The following PTPRS variants were observed in gnomAD, a reference collection of about 807,000 sequenced individuals.
PTPRS encodes receptor-type tyrosine-protein phosphatase S.
A neutral mutation model predicts 215.3 loss-of-function variants in PTPRS; 63 were observed. The ratio of observed to expected loss-of-function variants is 0.29; its 90% CI spans 0.24 to 0.36. PTPRS has a LOEUF of 0.36. Among genes scored for constraint, PTPRS ranks in the 10% least tolerant of loss-of-function variants. The pLI is 1.00. For missense variants in PTPRS, 2,258 were observed against 2,825.8 expected (o/e 0.80, Z 4.56); for synonymous variants, 1,404 against 1,191.4 (o/e 1.18, Z -3.68).
chr19:5,330,594 G>A (rs560223486), intron 1 of PTPRS, among the ~76,000 whole-genome samples: 34 of 152,298 alleles, frequency 2.2e-4, no homozygotes, highest in Middle Eastern at 3.4e-3. Context: ...TCCTGGCCCC[G>A]TTATCAATGT....
intron 1 of PTPRS, among the ~76,000 whole-genome samples, chr19:5,311,880 A>T (rs963357181): frequency 6.6e-5 from 10 of 152,062 alleles, no homozygotes; most frequent in African/African-American, 2.4e-4. Context: ...CTCTACTAAA[A>T]ATACAAAAAA....
At position 5,206,988 on chromosome 19, in the gene PTPRS, A is replaced by G. The variant is rs1438430673; in HGVS notation, c.5779-146T>C. ...CTTTGGCCCCCACGGCCCTCCCACA[A>G]TGAAGTGAGCTATGCCACACCTCTC... On this transcript the variant is annotated intron_variant, in intron 37 of 37. Coordinates refer to ENST00000262963, the MANE Select transcript of PTPRS (RefSeq NM_002850.4). The G allele has an allele frequency of 1.2e-5, 8 of 680,342 alleles. 1 individual carries two copies. The South Asian group carries it at 1.5e-4, about 12-fold the overall frequency. The allele number at this position is 680,342 out of a possible 1,614,324, so 42.1% of individuals were successfully genotyped here. A position where few individuals can be genotyped will look rare whatever the true frequency, so the allele number is the denominator to read the frequency against.
At chr19:5,261,757 C>A (rs1403936518) in intron 6 of PTPRS, among the ~76,000 whole-genome samples, 1 of 152,222 alleles carries the variant, frequency 6.6e-6, no homozygotes, top group Admixed American at 6.5e-5. Context: ...CTGAGCCTAG[C>A]TCTCCAGCCT....
chr19:5,263,407 G>A (rs1002097842), intron 5 of PTPRS, among the ~76,000 whole-genome samples: 2 of 152,120 alleles, frequency 1.3e-5, no homozygotes, highest in Admixed American at 6.5e-5. Flanking sequence ...AGAAAGCGGA[G>A]AACAGGTAGG....
chr19:5,218,606 G>T (rs1489637695), intron 24 of PTPRS, 74 bp from the exon 25 acceptor site: 1 of 1,542,804 alleles, frequency 6.5e-7, no homozygotes, highest in Non-Finnish European at 9.0e-7. Context: ...TCAGGCCCCA[G>T]GAATGCATGG....
chr19:5,208,526 G>A (rs894849609), intron 35 of PTPRS, 135 bp from the exon 36 acceptor site: 1 of 922,832 alleles, frequency 1.1e-6, no homozygotes, highest in Non-Finnish European at 1.5e-6. Context: ...TTGTCGCCCA[G>A]GTTGGAGTGC....
intron 2 of PTPRS, among the ~76,000 whole-genome samples, chr19:5,284,889 A>T (rs529000134): frequency 6.2e-4 from 94 of 150,902 alleles, no homozygotes; most frequent in Middle Eastern, 6.8e-3. Context: ...TAGAGGTTGC[A>T]GTGAGCTGAG....
intron 13 of PTPRS, among the ~76,000 whole-genome samples, chr19:5,235,130 C>T (rs191438790): frequency 3.8e-4 from 57 of 151,998 alleles, no homozygotes; most frequent in African/African-American, 1.3e-3. Flanking sequence ...TTAGGGGAGA[C>T]GGATTTTCAC....
chr19:5,221,421 TCTGA>T (rs1289132892), intron 19 of PTPRS, among the ~76,000 whole-genome samples, 168 bp from the exon 20 acceptor site: 34 of 151,556 alleles, frequency 2.2e-4, no homozygotes, highest in Non-Finnish European at 3.5e-4. Context: ...AGTCCCCAAC[TCTGA>T]CTGAGCCCCA....
At chr19:5,277,587 C>A (rs545361729) in intron 2 of PTPRS, 1 of 302,864 alleles carries the variant, frequency 3.3e-6, no homozygotes, top group Non-Finnish European at 6.2e-6. Flanking sequence ...ACCCAGGAGG[C>A]GAAGCTTGCA....
chr19:5,289,607 G>T (rs1177306428), intron 1 of PTPRS, among the ~76,000 whole-genome samples: 1 of 151,992 alleles, frequency 6.6e-6, no homozygotes, highest in Non-Finnish European at 1.5e-5. Flanking sequence ...TCCTCCCTCT[G>T]CTCCAGCCGC....
rs952487507 is a variant in PTPRS, at chr19:5,210,335, T to C, written c.5487+134A>G. The C allele has an allele frequency of 2.3e-6, 3 of 1,328,120 alleles. No homozygotes were observed. In the African/African-American group the frequency reaches 4.4e-5, roughly 19 times the overall value. 82.3% of individuals were successfully genotyped at this position (1,328,120 alleles called of 1,614,324 possible). ...GTGGCAGTAGAAGCAAGTGGCCAAC[T>C]GGTCAGCTGACACTTCTCCTGATTC... is the stretch of plus-strand genomic sequence containing the variant. On this transcript the variant is annotated intron_variant, in intron 35 of 37. Coordinates refer to ENST00000262963, the MANE Select transcript of PTPRS (RefSeq NM_002850.4). The surrounding 1 kb of genome is among the most constrained non-coding windows in gnomAD (Gnocchi z 4.5).
chr19:5,209,521 T>C (rs944788184), intron 35 of PTPRS, among the ~76,000 whole-genome samples: 1 of 152,196 alleles, frequency 6.6e-6, no homozygotes, highest in African/African-American at 2.4e-5. Flanking sequence ...TAAAATCTCC[T>C]TTCCCAACCC....
intron 1 of PTPRS, among the ~76,000 whole-genome samples, chr19:5,313,882 A>G (rs928910730): frequency 1.1e-4 from 16 of 152,002 alleles, no homozygotes. Context: ...GGACTGCTTG[A>G]GCCCAGCAGT....
Position 5,272,511 on chromosome 19 carries a change from T to G in PTPRS, c.379+931A>C, listed in dbSNP as rs963825828. ...TACTTGGGAGGCTGAGGCAGGAGAA[T>G]CGCTTGAACCTGGGAGGTGGAGGTT... On this transcript the variant is annotated intron_variant, in intron 4 of 37. Transcript: ENST00000262963. Among the ~76,000 whole-genome samples the G allele has an allele frequency of 6.3e-5, 9 of 142,144 alleles. No homozygotes were observed. The Admixed American group carries it at 7.0e-4, about 11-fold the overall frequency. 93.3% of individuals were successfully genotyped at this position (142,144 alleles called of 152,430 possible).
chr19:5,279,421 G>C (rs982724780), intron 2 of PTPRS, among the ~76,000 whole-genome samples: 1 of 151,330 alleles, frequency 6.6e-6, no homozygotes, highest in African/African-American at 2.4e-5. Flanking sequence ...CCCAAGGCTG[G>C]AGTGCGGTGG....
chr19:5,239,418 GAAAC>G (rs1223312085), intron 12 of PTPRS, among the ~76,000 whole-genome samples: 1 of 151,194 alleles, frequency 6.6e-6, no homozygotes, highest in African/African-American at 2.4e-5. Context: ...TAGAGACAGA[GAAAC>G]AAAGGAGAGA....
chr19:5,210,610 C>T lies in PTPRS; in HGVS notation c.5362-16G>A, dbSNP rs377459393. 8 of 1,613,954 alleles carry T rather than the reference C, an allele frequency of 5.0e-6. No homozygotes were observed. The Admixed American group carries it at 6.7e-5, about 13-fold the overall frequency. On this transcript the variant is annotated splice_polypyrimidine_tract_variant and intron_variant, in intron 34 of 37. Coordinates refer to ENST00000262963, the MANE Select transcript of PTPRS (RefSeq NM_002850.4). This position sits in a 1 kb window ranked among gnomAD's most constrained non-coding sequence, Gnocchi z 4.5. ...GACACTTCTCCTGTGGAGGAGATGG[C>T]GGCCGTGGTCAGCGCTGTCTGAGCC...
chr19:5,215,453 C>CT (rs758151542), intron 27 of PTPRS, 41 bp from the exon 28 acceptor site: 2 of 1,588,694 alleles, frequency 1.3e-6, no homozygotes, highest in South Asian at 2.2e-5. Flanking sequence ...GGGTAGGTGC[C>CT]TGTGAGGCCG....
Sources: allele counts gnomAD v4.1 joint callset (sites outside exome capture counted in the v4.1 genomes callset), GRCh38; gene constraint gnomAD v4.1.1; non-coding constraint Gnocchi (gnomAD v3.1); transcripts MANE v1.5; gene names NCBI Gene and HGNC (gene_info 2026-07-23, HGNC 2026-07-21).